Variants in MACROD2 observed in about 807,000 individuals in gnomAD.
The protein encoded by MACROD2 is mono-ADP ribosylhydrolase 2.
A neutral mutation model predicts 70.4 loss-of-function variants in MACROD2; 36 were observed. The observed-to-expected ratio is 0.51, with a 90% CI of 0.39 to 0.68. The LOEUF (loss-of-function observed/expected upper bound fraction) is 0.68, where lower values mean the gene tolerates loss of function less well. Ranked by LOEUF, MACROD2 falls within the 30% of genes least tolerant of loss-of-function variation. MACROD2 has a pLI of 0.00. For missense variants in MACROD2, 496 were observed against 538.4 expected (o/e 0.92, Z 0.78); for synonymous variants, 172 against 178.8 (o/e 0.96, Z 0.30).
chr20:15,894,302 C>G (rs1294358022), intron 10 of MACROD2, among the ~76,000 whole-genome samples: 1 of 152,194 alleles, frequency 6.6e-6, no homozygotes, highest in Non-Finnish European at 1.5e-5. Flanking sequence ...GAAATCAAAG[C>G]ATTAGCTTGA....
At chr20:15,186,417 A>G (rs2076534961) in intron 5 of MACROD2, among the ~76,000 whole-genome samples, 1 of 152,148 alleles carries the variant, frequency 6.6e-6, no homozygotes, top group Admixed American at 6.6e-5. Context: ...CTTTTATGGA[A>G]TATTTTAAAA....
At chr20:14,921,185 A>T (rs917455451) in intron 5 of MACROD2, among the ~76,000 whole-genome samples, 15 of 152,160 alleles carry the variant, frequency 9.9e-5, no homozygotes, top group African/African-American at 3.1e-4. Flanking sequence ...TATCGACATT[A>T]TGGGCAATGC....
intron 8 of MACROD2, among the ~76,000 whole-genome samples, chr20:15,719,194 T>A (rs890907951): frequency 6.6e-6 from 1 of 152,232 alleles, no homozygotes; most frequent in African/African-American, 2.4e-5. Context: ...TTATGGATGA[T>A]GATTTCTTAA....
intron 4 of MACROD2, among the ~76,000 whole-genome samples, chr20:14,556,831 A>T (rs946643353): frequency 6.6e-6 from 1 of 152,070 alleles, no homozygotes; most frequent in African/African-American, 2.4e-5. Context: ...ATAAAATGAC[A>T]GTCTTAAGCC....
intron 5 of MACROD2, among the ~76,000 whole-genome samples, chr20:14,837,226 C>T (rs1224184528): frequency 6.6e-6 from 1 of 151,936 alleles, no homozygotes; most frequent in Non-Finnish European, 1.5e-5. Flanking sequence ...TGAACTTTGT[C>T]TTTCCAAAGA....
At chr20:14,832,716 A>C (rs2072985408) in intron 5 of MACROD2, among the ~76,000 whole-genome samples, 1 of 152,136 alleles carries the variant, frequency 6.6e-6, no homozygotes, top group African/African-American at 2.4e-5. Context: ...TTGAGATGCT[A>C]CTTCTCTTAA....
chr20:15,997,809 T>C (rs920916269), intron 15 of MACROD2, among the ~76,000 whole-genome samples: 1 of 152,188 alleles, frequency 6.6e-6, no homozygotes, highest in Non-Finnish European at 1.5e-5. Context: ...CCATTGAGTA[T>C]GATGACAGCT....
chr20:15,610,897 A>G (rs1252305267), intron 8 of MACROD2, among the ~76,000 whole-genome samples: 1 of 149,340 alleles, frequency 6.7e-6, no homozygotes, highest in African/African-American at 2.5e-5. Flanking sequence ...GAGAAGCCAG[A>G]TGCTCTTTCT....
intron 5 of MACROD2, among the ~76,000 whole-genome samples, chr20:14,908,780 G>A (rs537725438): frequency 6.6e-6 from 1 of 152,304 alleles, no homozygotes; most frequent in East Asian, 1.9e-4. Context: ...TTTCAGCCAA[G>A]AAATGAAGGT....
chr20:15,914,475 A>G (rs2065283332), intron 10 of MACROD2, among the ~76,000 whole-genome samples: 1 of 152,172 alleles, frequency 6.6e-6, no homozygotes, highest in Non-Finnish European at 1.5e-5. Context: ...GGAAGCCTCA[A>G]TTGCCTTATA....
chr20:15,771,354 T>TTA (rs1054075457), intron 8 of MACROD2, among the ~76,000 whole-genome samples: 4 of 106,958 alleles, frequency 3.7e-5, no homozygotes, highest in African/African-American at 1.3e-4. Flanking sequence ...ATTATTATTA[T>TTA]TTTTTTTTTG....
chr20:14,248,093 A>T (rs72623533), intron 3 of MACROD2, among the ~76,000 whole-genome samples: 16 of 97,982 alleles, frequency 1.6e-4, no homozygotes, highest in African/African-American at 3.3e-4. Flanking sequence ...GATACGCCAT[A>T]TTTTTTTTAC....
At chr20:15,814,519 C>T (rs2063853189) in intron 8 of MACROD2, among the ~76,000 whole-genome samples, 1 of 152,096 alleles carries the variant, frequency 6.6e-6, no homozygotes, top group African/African-American at 2.4e-5. Flanking sequence ...GATTGCTTTG[C>T]CTCTCTGTGT....
chr20:14,330,783 C>A (rs1395586414), intron 3 of MACROD2, among the ~76,000 whole-genome samples: 10 of 151,992 alleles, frequency 6.6e-5, no homozygotes, highest in Admixed American at 6.6e-4. Context: ...GGGCTTTGCT[C>A]ATTATTGTCA....
chr20:15,926,680 G>T (rs989747631), intron 10 of MACROD2, among the ~76,000 whole-genome samples: 5 of 152,174 alleles, frequency 3.3e-5, no homozygotes, highest in Non-Finnish European at 7.4e-5. Context: ...TGGAGAGAAA[G>T]CACTCCAGGT....
chr20:15,971,845 G>T (rs1413500822), intron 13 of MACROD2, among the ~76,000 whole-genome samples: 1 of 152,150 alleles, frequency 6.6e-6, no homozygotes, highest in Admixed American at 6.5e-5. Context: ...CATAGTTCTT[G>T]ACAGGAAGCA....
chr20:15,148,664 CTG>C (rs918069177), intron 5 of MACROD2, among the ~76,000 whole-genome samples: 4 of 151,944 alleles, frequency 2.6e-5, no homozygotes, highest in Non-Finnish European at 5.9e-5. Flanking sequence ...TGGGATGAGA[CTG>C]GGGCCTGATA....
intron 6 of MACROD2, among the ~76,000 whole-genome samples, chr20:15,373,483 C>T (rs529525675): frequency 2.6e-4 from 39 of 152,324 alleles, no homozygotes; most frequent in South Asian, 2.1e-3. Context: ...TAGCTCACTG[C>T]ATCCTGGAAC....
chr20:15,288,995 G>T (rs1487418810), intron 6 of MACROD2, among the ~76,000 whole-genome samples: 3 of 152,034 alleles, frequency 2.0e-5, no homozygotes, highest in Non-Finnish European at 4.4e-5. Flanking sequence ...TCCACATCAA[G>T]GGTCTGGTTG....
Sources: allele counts gnomAD v4.1 joint callset (sites outside exome capture counted in the v4.1 genomes callset), GRCh38; gene constraint gnomAD v4.1.1; transcripts MANE v1.5; gene names NCBI Gene and HGNC (gene_info 2026-07-23, HGNC 2026-07-21).